SPATA17: variants seen among roughly 807,000 people sequenced by gnomAD.
The protein encoded by SPATA17 is spermatogenesis associated 17, also known as spermatogenesis-associated protein 17.
In SPATA17, 53 loss-of-function variants were observed where a neutral mutation model predicts 62.2. The ratio of observed to expected loss-of-function variants is 0.85; its 90% CI spans 0.68 to 1.07. The LOEUF is 1.07. Ranked by LOEUF, SPATA17 falls within the 50% of genes least tolerant of loss-of-function variation. SPATA17 has a pLI of 0.00. For synonymous variants in SPATA17, 146 were observed against 146.8 expected (o/e 0.99, Z 0.04); for missense variants, 466 against 425.5 (o/e 1.10, Z -0.84).
At chr1:217,771,751 A>G (rs1464945205) in intron 6 of SPATA17, among the ~76,000 whole-genome samples, 2 of 152,196 alleles carry the variant, frequency 1.3e-5, no homozygotes, top group Admixed American at 6.5e-5. Flanking sequence ...GGAGGTCTCC[A>G]TATAGGTTGC....
chr1:217,709,431 G>C (rs1451566105), intron 5 of SPATA17, among the ~76,000 whole-genome samples: 1 of 151,938 alleles, frequency 6.6e-6, no homozygotes, highest in Non-Finnish European at 1.5e-5. Flanking sequence ...TCTTCTGGCT[G>C]TTGGCTGATG....
At chr1:217,824,774 T>C (rs966019755) in intron 9 of SPATA17, among the ~76,000 whole-genome samples, 1 of 151,022 alleles carries the variant, frequency 6.6e-6, no homozygotes, top group Non-Finnish European at 1.5e-5. Context: ...ATTTCATACC[T>C]ATGTGATTGG....
At chr1:217,862,189 A>G (rs2103016608) in intron 9 of SPATA17, among the ~76,000 whole-genome samples, 1 of 152,260 alleles carries the variant, frequency 6.6e-6, no homozygotes, top group East Asian at 1.9e-4. Context: ...GATTTAGTGT[A>G]TCTTACCCTT....
intron 8 of SPATA17, among the ~76,000 whole-genome samples, chr1:217,783,981 C>G (rs1673794298): frequency 6.6e-6 from 1 of 151,802 alleles, no homozygotes; most frequent in South Asian, 2.1e-4. Flanking sequence ...GTTGCAGATG[C>G]TAAAAAAAAT....
chr1:217,652,373 AGGCTCCAGCCACCACACCT>A, intron 3 of SPATA17, among the ~76,000 whole-genome samples: 1 of 152,156 alleles, frequency 6.6e-6, no homozygotes, highest in Non-Finnish European at 1.5e-5. Context: ...CTGGGATTAC[AGGCTCCAGCCACCACACCT>A]GGCTAATTTT....
At chr1:217,789,385 T>C (rs1673946319) in intron 8 of SPATA17, among the ~76,000 whole-genome samples, 1 of 152,162 alleles carries the variant, frequency 6.6e-6, no homozygotes, top group African/African-American at 2.4e-5. Flanking sequence ...AATATTGGAT[T>C]TGGTAATATT....
intron 5 of SPATA17, among the ~76,000 whole-genome samples, chr1:217,728,938 C>T (rs960851060): frequency 6.6e-5 from 10 of 152,190 alleles, no homozygotes; most frequent in African/African-American, 1.7e-4. Flanking sequence ...CCCACAAGAT[C>T]TCTTAATGAA....
intron 5 of SPATA17, among the ~76,000 whole-genome samples, chr1:217,698,863 TCTACCACAC>T (rs1400127018): frequency 6.6e-6 from 1 of 152,192 alleles, no homozygotes; most frequent in Non-Finnish European, 1.5e-5. Flanking sequence ...TCACTTCTAT[TCTACCACAC>T]TCCCCTCACA....
chr1:217,823,481 T>G (rs1674918395), intron 9 of SPATA17, among the ~76,000 whole-genome samples: 1 of 151,986 alleles, frequency 6.6e-6, no homozygotes, highest in African/African-American at 2.4e-5. Flanking sequence ...TTTTAGCATG[T>G]GGCAGGTTAT....
chr1:217,659,692 G>T (rs1041043021), intron 3 of SPATA17, among the ~76,000 whole-genome samples: 1 of 151,910 alleles, frequency 6.6e-6, no homozygotes, highest in African/African-American at 2.4e-5. Context: ...CCCTCGGGTG[G>T]CCCAAATTGG....
chr1:217,760,444 T>A (rs1001756155), intron 6 of SPATA17, among the ~76,000 whole-genome samples: 41 of 152,212 alleles, frequency 2.7e-4, no homozygotes, highest in African/African-American at 9.6e-4. Flanking sequence ...TTTAATAATT[T>A]TCCTGTAAGA....
Position 217,864,685 on chromosome 1 carries a change from T to G in SPATA17, c.*2+1829T>G, listed in dbSNP as rs543598372. On this transcript the variant is annotated intron_variant, in intron 10 of 10. Coordinates refer to ENST00000366933, the MANE Select transcript of SPATA17 (RefSeq NM_138796.4). The stretch of plus-strand genomic sequence containing the variant: ...GGGATACTTCTTTTTAGTTCTATTT[T>G]TTGATGTTTTAATGCAACCAGACGA... 4.6e-5 allele frequency among the ~76,000 whole-genome samples: 7 copies of G among 152,274 alleles called. No homozygotes were observed. In the East Asian group the frequency reaches 1.2e-3, roughly 25 times the overall value.
chr1:217,683,539 A>G (rs1244362603), intron 5 of SPATA17, among the ~76,000 whole-genome samples, 178 bp downstream of exon 5: 1 of 152,244 alleles, frequency 6.6e-6, no homozygotes, highest in South Asian at 2.1e-4. Flanking sequence ...CTTGGGTTCA[A>G]GCAATTCTCC....
At chr1:217,842,051 CTT>C (rs1173375821) in intron 9 of SPATA17, among the ~76,000 whole-genome samples, 1 of 151,764 alleles carries the variant, frequency 6.6e-6, no homozygotes, top group African/African-American at 2.4e-5. Flanking sequence ...AGGTATTAAA[CTT>C]TATCAAATTC....
chr1:217,698,366 G>A (rs770242075), intron 5 of SPATA17, among the ~76,000 whole-genome samples: 13 of 151,862 alleles, frequency 8.6e-5, no homozygotes, highest in Non-Finnish European at 1.6e-4. Flanking sequence ...TCTGGGAGGC[G>A]GAGTTTGCAG....
intron 5 of SPATA17, among the ~76,000 whole-genome samples, chr1:217,726,096 ACTCTG>A (rs1672251783): frequency 6.6e-6 from 1 of 152,122 alleles, no homozygotes. Flanking sequence ...AAATTCTTGT[ACTCTG>A]CTAGAAGGCT....
Position 217,867,155 on chromosome 1 carries a change from T to G in SPATA17, c.*136T>G, listed in dbSNP as rs996974849. ...CTATAAAATTTTGTAGCTCTAGTCATGAATTAATTATTGTGTGTATGTATT... is the reference window on the plus strand; with the variant it reads ...CTATAAAATTTTGTAGCTCTAGTCAGGAATTAATTATTGTGTGTATGTATT... On this transcript the variant is annotated 3_prime_UTR_variant, in exon 11 of 11. Coordinates refer to ENST00000366933, the MANE Select transcript of SPATA17 (RefSeq NM_138796.4). The G allele has an allele frequency of 3.3e-5, 5 of 152,200 alleles. No individual in the cohort carries two copies. The highest frequency in any genetic ancestry group is 5.9e-5 in the Non-Finnish European group (4 of 68,036). The allele number at this position is 152,200 out of a possible 1,614,324, so 9.4% of individuals were successfully genotyped here.
At chr1:217,841,681 G>A (rs1675406517) in intron 9 of SPATA17, among the ~76,000 whole-genome samples, 1 of 151,902 alleles carries the variant, frequency 6.6e-6, no homozygotes, top group Non-Finnish European at 1.5e-5. Flanking sequence ...TCAACACTTT[G>A]AGAGGATTGA....
At chr1:217,776,383 C>T (rs1354925909) in intron 7 of SPATA17, among the ~76,000 whole-genome samples, 7 of 152,176 alleles carry the variant, frequency 4.6e-5, no homozygotes, top group East Asian at 3.9e-4. Flanking sequence ...CCTGAATAGG[C>T]GTGCCCTTGT....
Sources: allele counts gnomAD v4.1 joint callset (sites outside exome capture counted in the v4.1 genomes callset), GRCh38; gene constraint gnomAD v4.1.1; transcripts MANE v1.5; gene names NCBI Gene and HGNC (gene_info 2026-07-23, HGNC 2026-07-21).